Variants in PRSS38 observed in about 807,000 individuals in gnomAD.
The protein encoded by PRSS38 is marapsin 2.
PRSS38 carries 22 observed loss-of-function variants against 26.8 expected under a neutral mutation model. The ratio of observed to expected loss-of-function variants is 0.82; its 90% CI spans 0.59 to 1.17. The LOEUF (loss-of-function observed/expected upper bound fraction) is 1.17. Ranked by LOEUF, PRSS38 falls within the 50% of genes most tolerant of loss-of-function variation. PRSS38 has a pLI of 0.00. For synonymous variants in PRSS38, 175 were observed against 172.1 expected, an observed-to-expected ratio of 1.02 and a Z score of -0.13; for missense variants, 427 against 422.7, an observed-to-expected ratio of 1.01 and a Z score of -0.09.
At chr1:227,817,806 TA>T (rs1209718797) in intron 3 of PRSS38, among the ~76,000 whole-genome samples, 1 of 152,226 alleles carries the variant, frequency 6.6e-6, no homozygotes, top group Non-Finnish European at 1.5e-5. Context: ...CGTTTGTTAT[TA>T]AACTTTTCTC....
At chr1:227,817,908 C>T (rs1226606441) in intron 3 of PRSS38, among the ~76,000 whole-genome samples, 2 of 152,078 alleles carry the variant, frequency 1.3e-5, no homozygotes, top group African/African-American at 4.8e-5. Context: ...ATTGCATTTG[C>T]TAATTAGTCA....
At chr1:227,818,688 A>AC (rs1227398398) in intron 3 of PRSS38, among the ~76,000 whole-genome samples, 4 of 151,346 alleles carry the variant, frequency 2.6e-5, no homozygotes, top group African/African-American at 7.3e-5. Flanking sequence ...AAAAAAAAAA[A>AC]AAAAAAAAAA....
intron 3 of PRSS38, among the ~76,000 whole-genome samples, chr1:227,822,634 A>G (rs1035333533): frequency 6.6e-6 from 1 of 152,240 alleles, no homozygotes; most frequent in African/African-American, 2.4e-5. Context: ...TGAAGTCGCT[A>G]TTCCTTAGCT....
chr1:227,835,909 C>T (rs940963896), intron 3 of PRSS38, among the ~76,000 whole-genome samples: 1 of 152,124 alleles, frequency 6.6e-6, no homozygotes, highest in South Asian at 2.1e-4. Context: ...CTTTAAAATG[C>T]TTAATTTAAT....
intron 3 of PRSS38, among the ~76,000 whole-genome samples, chr1:227,820,089 C>CAAAAAA (rs61564441): frequency 5.6e-4 from 24 of 42,698 alleles, no homozygotes; most frequent in Middle Eastern, 0.016. Flanking sequence ...AACTCCATCT[C>CAAAAAA]AAAAAAAAAA....
chr1:227,823,299 G>A (rs1665028276), intron 3 of PRSS38, among the ~76,000 whole-genome samples: 1 of 151,518 alleles, frequency 6.6e-6, no homozygotes, highest in African/African-American at 2.4e-5. Flanking sequence ...TCCATGGTGT[G>A]TATGATATAT....
rs1665179091 is a variant in PRSS38, at chr1:227,833,025, A to G, written c.584-12445A>G. Among the ~76,000 whole-genome samples, 3 of 152,212 alleles carry G rather than the reference A, an allele frequency of 2.0e-5. No individual in the cohort carries two copies. In the South Asian group the frequency reaches 6.2e-4, roughly 31 times the overall value. The stretch of plus-strand genomic sequence containing the variant: ...GAAAACTATAGAATGTTACAGAAAG[A>G]AATTTTTGAAAACCTAAATAAATGC... On this transcript the variant is annotated intron_variant, in intron 3 of 4. Transcript: ENST00000366757.
intron 3 of PRSS38, among the ~76,000 whole-genome samples, chr1:227,826,569 A>G (rs1191119798): frequency 6.6e-6 from 1 of 152,190 alleles, no homozygotes. Flanking sequence ...ATAAAAAAGT[A>G]GCTGTGCATG....
intron 3 of PRSS38, among the ~76,000 whole-genome samples, chr1:227,839,364 G>A (rs1043179834): frequency 1.3e-5 from 2 of 152,038 alleles, no homozygotes; most frequent in Non-Finnish European, 1.5e-5. Context: ...CAGCTACTTG[G>A]GAGGCTGAGG....
chr1:227,845,107 TC>T lies in PRSS38; in HGVS notation c.584-360del, dbSNP rs1665404693. The stretch of plus-strand genomic sequence containing the variant: ...CCTCCCTATGTGTGGTCAGGACTCC[TC>T]CCTATGTGTGGTGGGGCTCCTCCCT... On this transcript the variant is annotated intron_variant, in intron 3 of 4. Transcript: ENST00000366757. Among the ~76,000 whole-genome samples the T allele has an allele frequency of 4.9e-5, 7 of 141,790 alleles. No individual in the cohort carries two copies. The South Asian group carries it at 1.6e-3, about 33-fold the overall frequency. The allele number at this position is 141,790 out of a possible 152,430, so 93.0% of individuals were successfully genotyped here.
intron 3 of PRSS38, among the ~76,000 whole-genome samples, chr1:227,825,626 T>A (rs537429416): frequency 2.6e-5 from 4 of 152,352 alleles, no homozygotes; most frequent in African/African-American, 9.6e-5. Flanking sequence ...CACCATTTAT[T>A]AAATAGAGAA....
intron 2 of PRSS38, 126 bp from the exon 3 acceptor site, chr1:227,817,083 G>T: frequency 1.0e-6 from 1 of 1,002,728 alleles, no homozygotes; most frequent in South Asian, 1.5e-5. Flanking sequence ...CTACTATGCT[G>T]CAGGAAGAAA....
At chr1:227,820,960 T>C (rs1664994969) in intron 3 of PRSS38, among the ~76,000 whole-genome samples, 1 of 152,218 alleles carries the variant, frequency 6.6e-6, no homozygotes, top group Non-Finnish European at 1.5e-5. Context: ...CATACGTTTG[T>C]AGAAATTTGT....
intron 3 of PRSS38, among the ~76,000 whole-genome samples, chr1:227,833,464 T>C (rs746852323): frequency 4.0e-5 from 6 of 151,896 alleles, no homozygotes; most frequent in Non-Finnish European, 8.8e-5. Context: ...GAGGCAGAGG[T>C]TGCAGTGAGC....
intron 3 of PRSS38, among the ~76,000 whole-genome samples, chr1:227,823,131 C>T (rs1365216460): frequency 1.3e-5 from 2 of 152,052 alleles, no homozygotes; most frequent in African/African-American, 4.8e-5. Context: ...GCATATTATT[C>T]CACTCTCTGT....
intron 3 of PRSS38, among the ~76,000 whole-genome samples, chr1:227,829,819 T>A (rs1416187191): frequency 6.6e-6 from 1 of 152,210 alleles, no homozygotes; most frequent in Non-Finnish European, 1.5e-5. Context: ...TTACACTGGC[T>A]ACAACCTCTA....
intron 3 of PRSS38, among the ~76,000 whole-genome samples, chr1:227,830,616 T>C (rs767209840): frequency 7.3e-5 from 11 of 151,062 alleles, no homozygotes; most frequent in Non-Finnish European, 1.6e-4. Context: ...TTCTCCTGCC[T>C]GAGTAGCTGG....
At chr1:227,817,997 AGTTT>A (rs1013832766) in intron 3 of PRSS38, among the ~76,000 whole-genome samples, 11 of 152,294 alleles carry the variant, frequency 7.2e-5, no homozygotes, top group African/African-American at 2.2e-4. Flanking sequence ...TATTTTTAGT[AGTTT>A]ATCAACTGAT....
intron 4 of PRSS38, 60 bp from the exon 5 acceptor site, chr1:227,845,894 G>C: frequency 6.3e-7 from 1 of 1,592,688 alleles, no homozygotes; most frequent in Admixed American, 1.7e-5. Flanking sequence ...TGGGGGACAG[G>C]TGCAGGAGGC....
Sources: gnomAD v4.1 joint callset for allele counts (sites outside exome capture counted in the v4.1 genomes callset) on GRCh38, gnomAD v4.1.1 for gene constraint, MANE v1.5 for transcripts, NCBI Gene and HGNC (gene_info 2026-07-23, HGNC 2026-07-21) for gene names.